Variants in PARP8 observed in about 807,000 individuals in gnomAD.
PARP8 encodes the protein protein mono-ADP-ribosyltransferase PARP8.
In PARP8, 51 loss-of-function variants were observed where a neutral mutation model predicts 124.1. That is an observed-to-expected ratio of 0.41 (90% CI 0.33 to 0.52). The LOEUF (loss-of-function observed/expected upper bound fraction) is 0.52, where lower values mean the gene tolerates loss of function less well. Among genes scored for constraint, PARP8 ranks in the 20% least tolerant of loss-of-function variants. The pLI is 0.21. For synonymous variants in PARP8, 391 were observed against 361.5 expected (o/e 1.08, Z -0.93); for missense variants, 860 against 1,018.9 (o/e 0.84, Z 2.12).
intron 2 of PARP8, among the ~76,000 whole-genome samples, chr5:50,740,026 G>A (rs1344868123): frequency 6.6e-6 from 1 of 151,984 alleles, no homozygotes; most frequent in African/African-American, 2.4e-5. Context: ...TGGGATTACA[G>A]GCATGAGCTA....
At chr5:50,755,209 C>A (rs1759790524) in intron 3 of PARP8, among the ~76,000 whole-genome samples, 1 of 152,110 alleles carries the variant, frequency 6.6e-6, no homozygotes, top group Non-Finnish European at 1.5e-5. Flanking sequence ...CCAATCTTGT[C>A]TTTTGTTGCC....
chr5:50,827,929 T>C lies in PARP8; in HGVS notation c.1978-15T>C, dbSNP rs377432853. 2.6e-6 allele frequency: 4 copies of C among 1,557,242 alleles called. No homozygotes were observed. The highest frequency in any genetic ancestry group is 3.5e-6 in the Non-Finnish European group (4 of 1,129,844). On this transcript the variant is annotated splice_polypyrimidine_tract_variant and intron_variant, in intron 19 of 25. Coordinates refer to ENST00000281631, the MANE Select transcript of PARP8 (RefSeq NM_024615.4). Reference sequence around the variant, plus strand: ...AGTTTTACATGTTTTTGTTTGTCTTTATCTTAAATGGCAGCAATTGAAGTT... The same window carrying C: ...AGTTTTACATGTTTTTGTTTGTCTTCATCTTAAATGGCAGCAATTGAAGTT...
intron 2 of PARP8, among the ~76,000 whole-genome samples, chr5:50,720,407 C>G (rs1755756134): frequency 6.6e-6 from 1 of 152,148 alleles, no homozygotes; most frequent in African/African-American, 2.4e-5. Flanking sequence ...CAGGCCTGGT[C>G]TGATCACTCT....
intron 2 of PARP8, among the ~76,000 whole-genome samples, chr5:50,740,943 T>C (rs1223404023): frequency 6.6e-6 from 1 of 152,232 alleles, no homozygotes; most frequent in East Asian, 1.9e-4. Flanking sequence ...TCTTTCTAAA[T>C]ATTTGTAGTG....
chr5:50,783,466 C>A (rs1296213842), intron 9 of PARP8, among the ~76,000 whole-genome samples: 1 of 152,074 alleles, frequency 6.6e-6, no homozygotes, highest in Non-Finnish European at 1.5e-5. Context: ...TAAATGCTAT[C>A]GTGCTATAGA....
intron 2 of PARP8, among the ~76,000 whole-genome samples, chr5:50,717,913 A>G (rs1488062073): frequency 1.3e-5 from 2 of 151,832 alleles, no homozygotes; most frequent in African/African-American, 2.4e-5. Context: ...GATTATACTA[A>G]CAAGCAGAAG....
At chr5:50,815,786 C>T (rs1745032481) in intron 15 of PARP8, among the ~76,000 whole-genome samples, 2 of 152,050 alleles carry the variant, frequency 1.3e-5, no homozygotes, top group South Asian at 4.1e-4. Flanking sequence ...TCTTCTTACA[C>T]AGTGAAGTGG....
At position 50,815,498 on chromosome 5, in the gene PARP8, G is replaced by C; in HGVS notation, c.1642G>C (p.Ala548Pro). 6.3e-7 allele frequency: 1 copy of C among 1,597,572 alleles called. No homozygotes were observed. The highest frequency in any genetic ancestry group is 8.5e-7 in the Non-Finnish European group (1 of 1,172,864). ...AACCCTGGGAGTAATGAATGAAGCT[G>C]CTGATGAAATAGCAACTGGAGCTCA... ...FQTLGVMNEA[A>P]DEIATGAQVV... Residue 548 changes from alanine to proline, a missense_variant, in exon 15 of 26, where the codon GCT (alanine) becomes CCT (proline). Around this residue, in one of 2 missense-constraint regions of PARP8, gnomAD observed 343 missense variants for 474.7 expected, o/e 0.72. Coordinates refer to ENST00000281631, the MANE Select transcript of PARP8 (RefSeq NM_024615.4).
At chr5:50,808,185 G>A (rs1744071069) in intron 14 of PARP8, among the ~76,000 whole-genome samples, 1 of 151,778 alleles carries the variant, frequency 6.6e-6, no homozygotes, top group Admixed American at 6.6e-5. Context: ...GGGAGATCCA[G>A]GGAGATCAAA....
At position 50,842,557 on chromosome 5, in the gene PARP8, C is replaced by CTAT. The variant is rs1748284472; in HGVS notation, c.*491_*493dup. 1 of 152,514 alleles carries CTAT rather than the reference C, an allele frequency of 6.6e-6. No individual in the cohort carries two copies. The highest frequency in any genetic ancestry group is 1.5e-5 in the Non-Finnish European group (1 of 68,214). 9.4% of individuals were successfully genotyped at this position (152,514 alleles called of 1,614,324 possible). A position where few individuals can be genotyped will look rare whatever the true frequency, so the allele number is the denominator to read the frequency against. Reference sequence around the variant, plus strand: ...TGTTTTGGAAGGGGTGTTCCCTATTCTATTTTTCTTCATAAAAAAAGAAGT... The same window carrying CTAT: ...TGTTTTGGAAGGGGTGTTCCCTATTCTATTATTTTTCTTCATAAAAAAAGAAGT... On this transcript the variant is annotated 3_prime_UTR_variant, in exon 26 of 26. Coordinates refer to ENST00000281631, the MANE Select transcript of PARP8 (RefSeq NM_024615.4).
At chr5:50,819,157 A>T (rs1394700692) in intron 15 of PARP8, among the ~76,000 whole-genome samples, 1 of 152,198 alleles carries the variant, frequency 6.6e-6, no homozygotes, top group African/African-American at 2.4e-5. Flanking sequence ...GGTGCATCCC[A>T]TGTAATTGAG....
chr5:50,810,141 C>T (rs932133865), intron 14 of PARP8, among the ~76,000 whole-genome samples: 87 of 151,706 alleles, frequency 5.7e-4, no homozygotes, highest in Non-Finnish European at 7.4e-4. Context: ...GCTTTTAAAT[C>T]GTGCCTAATG....
At chr5:50,732,328 A>G (rs574812459) in intron 2 of PARP8, among the ~76,000 whole-genome samples, 1 of 152,238 alleles carries the variant, frequency 6.6e-6, no homozygotes, top group Non-Finnish European at 1.5e-5. Context: ...AACATATGAT[A>G]GTATTATCTG....
chr5:50,715,424 T>A (rs1350141654), intron 2 of PARP8, among the ~76,000 whole-genome samples: 1 of 152,126 alleles, frequency 6.6e-6, no homozygotes, highest in Non-Finnish European at 1.5e-5. Flanking sequence ...TCCTTCCTCA[T>A]ATTTGAGGAG....
intron 3 of PARP8, 81 bp from the exon 4 acceptor site, chr5:50,759,562 A>C (rs1308378033): frequency 7.1e-7 from 1 of 1,402,698 alleles, no homozygotes; most frequent in African/African-American, 1.5e-5. Context: ...AGTGATGTGC[A>C]TATAAATTAG....
intron 2 of PARP8, among the ~76,000 whole-genome samples, chr5:50,722,648 C>G (rs187311576): frequency 4.6e-5 from 7 of 152,190 alleles, no homozygotes; most frequent in African/African-American, 1.7e-4. Flanking sequence ...CCCCTGGAAT[C>G]CAACTGTGTG....
At chr5:50,678,895 T>A (rs1297736939) in intron 2 of PARP8, among the ~76,000 whole-genome samples, 1 of 152,152 alleles carries the variant, frequency 6.6e-6, no homozygotes, top group Non-Finnish European at 1.5e-5. Flanking sequence ...TTAGCCCAAT[T>A]CTTGTTGTGA....
At chr5:50,667,598 G>T (rs1433381205) in intron 1 of PARP8, 8 of 699,240 alleles carry the variant, frequency 1.1e-5, no homozygotes, top group South Asian at 8.9e-5. Context: ...GCTGCGCTGC[G>T]CTTGTAAGCT....
chr5:50,829,135 C>T (rs558075304), intron 21 of PARP8, among the ~76,000 whole-genome samples: 2 of 152,066 alleles, frequency 1.3e-5, no homozygotes, highest in African/African-American at 2.4e-5. Flanking sequence ...CCTGCTTTTC[C>T]GCCTCCAGGA....
Sources: allele counts gnomAD v4.1 joint callset (sites outside exome capture counted in the v4.1 genomes callset), GRCh38; gene constraint gnomAD v4.1.1; regional missense constraint gnomAD v4.1.1; transcripts MANE v1.5; gene names NCBI Gene and HGNC (gene_info 2026-07-23, HGNC 2026-07-21).